Variants in CTNNA2 observed in about 807,000 individuals in gnomAD.
CTNNA2 encodes catenin alpha-2.
Under a neutral mutation model 101.0 loss-of-function variants are expected in CTNNA2, and 42 were observed. That is an observed-to-expected ratio of 0.42 (90% CI 0.32 to 0.54). The LOEUF (loss-of-function observed/expected upper bound fraction) is 0.54. Ranked by LOEUF, CTNNA2 falls within the 20% of genes least tolerant of loss-of-function variation. The probability of loss-of-function intolerance (pLI) is 0.14; values close to 1 mark genes in which losing one functional copy is unlikely to be tolerated. For synonymous variants in CTNNA2, 450 were observed against 456.4 expected (o/e 0.99, Z 0.18); for missense variants, 871 against 1,223.1 (o/e 0.71, Z 4.29).
chr2:79,780,631 C>T (rs2136967), intron 3 of CTNNA2, among the ~76,000 whole-genome samples: 3 of 152,254 alleles, frequency 2.0e-5, no homozygotes, highest in Non-Finnish European at 4.4e-5. Context: ...TGCCCGATCT[C>T]CTCTAATCCC....
rs527608143 is a variant in CTNNA2, at chr2:79,505,830, C to T, written c.-6+648C>T. ...CATTTATCTCGAGTTGTCAGTTTGT[C>T]TCATTAAAGTATGAGACTGTTAATG... is the stretch of plus-strand genomic sequence containing the variant. On this transcript the variant is annotated intron_variant, in intron 5 of 21. Coordinates refer to the CTNNA2 transcript ENST00000466387. Among the ~76,000 whole-genome samples the T allele has an allele frequency of 1.0e-3, 158 of 152,294 alleles. 1 individual carries two copies. The highest frequency in any genetic ancestry group is 7.2e-3 in the Admixed American group (110 of 15,304).
At chr2:79,797,153 T>A (rs1467846129) in intron 3 of CTNNA2, among the ~76,000 whole-genome samples, 1 of 152,118 alleles carries the variant, frequency 6.6e-6, no homozygotes, top group Non-Finnish European at 1.5e-5. Flanking sequence ...GGCTTTTTGT[T>A]GTTGTTTTTG....
At chr2:80,492,831 T>C (rs1687167649) in intron 9 of CTNNA2, among the ~76,000 whole-genome samples, 1 of 152,188 alleles carries the variant, frequency 6.6e-6, no homozygotes, top group Admixed American at 6.5e-5. Flanking sequence ...TTTTCTTTTC[T>C]TACTAGTTCT....
rs138271756 is a variant in CTNNA2, at chr2:79,687,392, C to A, written c.102+35734C>A. Among the ~76,000 whole-genome samples, 887 of 150,256 alleles carry A rather than the reference C, an allele frequency of 5.9e-3. 4 individuals are homozygous for A. The highest frequency in any genetic ancestry group is 0.011 in the South Asian group (50 of 4,756). On this transcript the variant is annotated intron_variant, in intron 2 of 18. Coordinates refer to ENST00000402739, the MANE Select transcript of CTNNA2 (RefSeq NM_001282597.3). Reference sequence around the variant, plus strand: ...GTTAAGAACAAAAATATTTTAGATACTATTATAGTACTGAGGAGCAGCAAA... The same window carrying A: ...GTTAAGAACAAAAATATTTTAGATAATATTATAGTACTGAGGAGCAGCAAA...
intron 3 of CTNNA2, among the ~76,000 whole-genome samples, chr2:79,845,526 A>G (rs1347503670): frequency 2.0e-5 from 3 of 152,154 alleles, no homozygotes; most frequent in African/African-American, 7.2e-5. Context: ...CCTCACCCTT[A>G]AGGCTGCATG....
At chr2:79,831,194 G>A (rs75104059) in intron 3 of CTNNA2, among the ~76,000 whole-genome samples, 2,228 of 152,016 alleles carry the variant, frequency 0.015, 35 homozygotes, top group East Asian at 0.039. Flanking sequence ...TCTACCAGTA[G>A]ATTAAGATTT....
intron 3 of CTNNA2, among the ~76,000 whole-genome samples, chr2:79,854,586 C>T (rs1680983067): frequency 6.6e-6 from 1 of 152,198 alleles, no homozygotes; most frequent in Admixed American, 6.5e-5. Flanking sequence ...GCTTTTAGAA[C>T]AATACTTATA....
chr2:79,967,697 G>C (rs1483701771), intron 7 of CTNNA2, among the ~76,000 whole-genome samples: 1 of 152,068 alleles, frequency 6.6e-6, no homozygotes, highest in African/African-American at 2.4e-5. Flanking sequence ...TTACTGTATA[G>C]CCCAGCAAGT....
intron 4 of CTNNA2, among the ~76,000 whole-genome samples, chr2:79,469,186 A>G (rs1370757544): frequency 2.0e-5 from 3 of 152,244 alleles, no homozygotes; most frequent in Non-Finnish European, 4.4e-5. Flanking sequence ...CTAAAAAATG[A>G]TAAAGAGGAT....
chr2:79,830,512 G>A (rs1487297108), intron 3 of CTNNA2, among the ~76,000 whole-genome samples: 2 of 152,176 alleles, frequency 1.3e-5, no homozygotes, highest in Non-Finnish European at 2.9e-5. Context: ...GACTCTCTAA[G>A]GGAAACTTGG....
At chr2:80,491,697 A>G (rs968869140) in intron 9 of CTNNA2, among the ~76,000 whole-genome samples, 1 of 152,182 alleles carries the variant, frequency 6.6e-6, no homozygotes, top group Non-Finnish European at 1.5e-5. Flanking sequence ...GTTCTGGTTT[A>G]TACCTGTTGT....
At chr2:80,071,770 A>G (rs1241105582) in intron 7 of CTNNA2, among the ~76,000 whole-genome samples, 1 of 152,192 alleles carries the variant, frequency 6.6e-6, no homozygotes, top group African/African-American at 2.4e-5. Context: ...AGATGAGCTC[A>G]TCGGCAGGGG....
Position 80,247,000 on chromosome 2 carries a change from C to T in CTNNA2, c.1057-146211C>T, listed in dbSNP as rs576284945. Among the ~76,000 whole-genome samples, 4 of 152,222 alleles carry T rather than the reference C, an allele frequency of 2.6e-5. No individual in the cohort carries two copies. In the East Asian group the frequency reaches 7.7e-4, roughly 29 times the overall value. ...AAATATTTCACTGAATACTTCGGATCTTTGGTGACCATCTCCTCCTTGATA... is the reference window on the plus strand; with the variant it reads ...AAATATTTCACTGAATACTTCGGATTTTTGGTGACCATCTCCTCCTTGATA... On this transcript the variant is annotated intron_variant, in intron 7 of 18. Transcript: ENST00000402739.
intron 4 of CTNNA2, among the ~76,000 whole-genome samples, chr2:79,418,900 T>C (rs78871476): frequency 0.05 from 7,568 of 152,140 alleles, 413 homozygotes; most frequent in African/African-American, 0.14. Context: ...ATTATTAATA[T>C]ACACAGGTTA....
At chr2:79,512,723 C>T (rs937545566), upstream of CTNNA2, among the ~76,000 whole-genome samples, 8 of 151,768 alleles carry the variant, frequency 5.3e-5, no homozygotes, top group African/African-American at 1.9e-4. Context: ...GCCGTCCCCT[C>T]CCCCCACCTG....
At chr2:79,781,129 T>C (rs926444717) in intron 3 of CTNNA2, among the ~76,000 whole-genome samples, 2 of 152,318 alleles carry the variant, frequency 1.3e-5, no homozygotes, top group Admixed American at 1.3e-4. Flanking sequence ...TGCTCATTTT[T>C]GTGGTTGTTT....
At chr2:79,810,525 T>C (rs1051991885) in intron 3 of CTNNA2, among the ~76,000 whole-genome samples, 1 of 140,458 alleles carries the variant, frequency 7.1e-6, no homozygotes, top group African/African-American at 2.9e-5. Context: ...TCTTTTCTTT[T>C]CTTTTTTTTT....
chr2:80,524,919 C>T (rs2149582464), intron 9 of CTNNA2, among the ~76,000 whole-genome samples: 1 of 152,238 alleles, frequency 6.6e-6, no homozygotes, highest in East Asian at 1.9e-4. Flanking sequence ...TCCCCCTTGC[C>T]ACCCCCACCT....
intron 7 of CTNNA2, among the ~76,000 whole-genome samples, chr2:80,183,088 T>C (rs1246776928): frequency 6.6e-6 from 1 of 152,182 alleles, no homozygotes; most frequent in Non-Finnish European, 1.5e-5. Flanking sequence ...GTATTCCTGG[T>C]ATTATTCCTG....
Sources: allele counts gnomAD v4.1 joint callset (sites outside exome capture counted in the v4.1 genomes callset), GRCh38; gene constraint gnomAD v4.1.1; transcripts MANE v1.5; gene names NCBI Gene and HGNC (gene_info 2026-07-23, HGNC 2026-07-21).